EAPP: variants seen among roughly 807,000 people sequenced by gnomAD.
EAPP encodes E2F associated phosphoprotein, also known as E2F-associated phosphoprotein.
In EAPP, 38 loss-of-function variants were observed where a neutral mutation model predicts 34.3. That is an observed-to-expected ratio of 1.11 (90% CI 0.85 to 1.45). EAPP has a LOEUF of 1.45. Ranked by LOEUF, EAPP falls within the 40% of genes most tolerant of loss-of-function variation. The pLI is 0.00. For missense variants in EAPP, 338 were observed against 343.7 expected (o/e 0.98, Z 0.13); for synonymous variants, 113 against 117.6 (o/e 0.96, Z 0.25).
chr14:34,536,124 T>C lies in EAPP; in HGVS notation c.226A>G (p.Met76Val), dbSNP rs761848134. The change falls in exon 2 of 6, where the codon ATG becomes GTG. Residue 76 changes from methionine to valine, a missense_variant. Coordinates refer to ENST00000250454, the MANE Select transcript of EAPP (RefSeq NM_018453.4). The stretch of plus-strand genomic sequence containing the variant: ...CCCAGAGAGGATAACTTGTCCTCCA[T>C]TGTTTTCATGGTAGAATTTAATTCA... ...EAELNSTMKT[M>V]EDKLSSLGTG... is the part of the protein sequence containing the mutation. 36 of 1,611,356 alleles carry C rather than the reference T, an allele frequency of 2.2e-5. No homozygotes were observed. The highest frequency in any genetic ancestry group is 3.0e-5 in the Non-Finnish European group (35 of 1,179,318).
At chr14:34,517,274 G>T (rs1465199378) in intron 5 of EAPP, among the ~76,000 whole-genome samples, 1 of 144,226 alleles carries the variant, frequency 6.9e-6, no homozygotes, top group East Asian at 2.1e-4. Flanking sequence ...TTGAGATGGG[G>T]TTTCACTCTT....
intron 3 of EAPP, among the ~76,000 whole-genome samples, chr14:34,532,557 G>C (rs540415813): frequency 2.1e-4 from 32 of 152,252 alleles, no homozygotes; most frequent in African/African-American, 7.7e-4. Flanking sequence ...AAAGGAAGAG[G>C]GGGGAAAAGC....
intron 5 of EAPP, among the ~76,000 whole-genome samples, chr14:34,519,728 T>A (rs1207867338): frequency 6.6e-6 from 1 of 152,078 alleles, no homozygotes; most frequent in Non-Finnish European, 1.5e-5. Flanking sequence ...ACTCTTCCCT[T>A]CCTTACTGTC....
At position 34,536,285 on chromosome 14, in the gene EAPP, A is replaced by C. The variant is rs774359363; in HGVS notation, c.75-10T>G. 3.2e-6 allele frequency: 5 copies of C among 1,569,060 alleles called. No homozygotes were observed. The highest frequency in any genetic ancestry group is 4.1e-5 in the Admixed American group (2 of 48,522). On this transcript the variant is annotated splice_polypyrimidine_tract_variant and intron_variant, in intron 1 of 5. Coordinates refer to ENST00000250454, the MANE Select transcript of EAPP (RefSeq NM_018453.4). ...CACTTCATCCTCAGAGCTAGCATAC[A>C]TTTAAATCAAAAAGAATATGAATAT...
intron 4 of EAPP, among the ~76,000 whole-genome samples, chr14:34,526,041 A>T (rs749978685): frequency 2.6e-4 from 39 of 152,038 alleles, no homozygotes; most frequent in African/African-American, 4.1e-4. Flanking sequence ...AAAATAAAAA[A>T]AATAATAATG....
At chr14:34,519,437 A>G (rs535075505) in intron 5 of EAPP, among the ~76,000 whole-genome samples, 177 of 152,082 alleles carry the variant, frequency 1.2e-3, no homozygotes, top group African/African-American at 3.9e-3. Flanking sequence ...TGGGAGACTG[A>G]GACAGGAGAA....
chr14:34,529,329 G>T, intron 4 of EAPP, 29 bp downstream of exon 4: 2 of 1,456,996 alleles, frequency 1.4e-6, no homozygotes, highest in Non-Finnish European at 1.9e-6. Flanking sequence ...TTTTTCTAAA[G>T]ATTCTAAATA....
intron 5 of EAPP, among the ~76,000 whole-genome samples, chr14:34,517,039 G>A (rs1193531189): frequency 3.3e-5 from 5 of 150,804 alleles, no homozygotes; most frequent in Admixed American, 6.7e-5. Context: ...CTGGGTTCAC[G>A]CCATTCTCCT....
chr14:34,536,347 A>G (rs1880473750), intron 1 of EAPP, 72 bp from the exon 2 acceptor site: 2 of 1,178,320 alleles, frequency 1.7e-6, no homozygotes, highest in South Asian at 3.4e-5. Context: ...CCAGCATCTC[A>G]CTGTCCAACA....
rs910020823 is a variant in EAPP, at chr14:34,539,691, G to A, written c.-63C>T. The A allele has an allele frequency of 1.4e-6, 2 of 1,449,024 alleles. No homozygotes were observed. The highest frequency in any genetic ancestry group is 4.7e-5 in the Admixed American group (2 of 42,356). 89.8% of individuals were successfully genotyped at this position (1,449,024 alleles called of 1,614,324 possible). On this transcript the variant is annotated 5_prime_UTR_variant, in exon 1 of 6. Transcript: ENST00000250454. ...TGCAGCGTCTCTGTTTACACTGCAA[G>A]TCCAGTCCCTAAAGCGCCCCTGACG...
At position 34,536,180 on chromosome 14, in the gene EAPP, C is replaced by G; in HGVS notation, c.170G>C (p.Ser57Thr). The change falls in exon 2 of 6, where the codon AGT (serine) becomes ACT (threonine). Residue 57 changes from serine (S) to threonine (T), a missense_variant. Physicochemically the swap from Ser to Thr is moderately conservative, Grantham distance 58. Coordinates refer to ENST00000250454, the MANE Select transcript of EAPP (RefSeq NM_018453.4). The stretch of plus-strand genomic sequence containing the variant: ...CATCTCCTTTTCAAATTCATCTTCA[C>G]TAGATGATTCACTTTCTCCGGTAAG... ...ECLTGESESSSEDEFEKEMEA... is the reference protein window; with the variant it reads ...ECLTGESESSTEDEFEKEMEA... The G allele has an allele frequency of 1.2e-6, 2 of 1,612,330 alleles. No individual in the cohort carries two copies. The highest frequency in any genetic ancestry group is 2.7e-5 in the African/African-American group (2 of 74,992).
intron 4 of EAPP, among the ~76,000 whole-genome samples, chr14:34,527,957 G>A (rs1480534595): frequency 3.9e-5 from 6 of 151,928 alleles, no homozygotes; most frequent in Admixed American, 3.9e-4. Context: ...CTTTTGTTAT[G>A]TGAATTTTAT....
At chr14:34,520,362 A>C (rs1192046415) in intron 5 of EAPP, among the ~76,000 whole-genome samples, 1 of 150,798 alleles carries the variant, frequency 6.6e-6, no homozygotes, top group African/African-American at 2.4e-5. Flanking sequence ...GGCACGCGCC[A>C]ACACGCCCAG....
chr14:34,537,139 T>G (rs535042095), intron 1 of EAPP, among the ~76,000 whole-genome samples: 3 of 152,046 alleles, frequency 2.0e-5, no homozygotes, highest in Non-Finnish European at 4.4e-5. Context: ...CCCTCCTGAG[T>G]AGCTGGGACC....
intron 5 of EAPP, among the ~76,000 whole-genome samples, chr14:34,522,526 T>A (rs1434623095): frequency 6.6e-6 from 1 of 152,218 alleles, no homozygotes; most frequent in African/African-American, 2.4e-5. Context: ...TAGTTATTTG[T>A]TCCAGTCTTC....
chr14:34,530,798 G>T (rs983076651), intron 3 of EAPP, among the ~76,000 whole-genome samples: 1 of 150,518 alleles, frequency 6.6e-6, no homozygotes, highest in Non-Finnish European at 1.5e-5. Context: ...AACAGTATGA[G>T]GTCAGATACA....
rs773566159 is a variant in EAPP, at chr14:34,539,586, C to T, written c.43G>A (p.Glu15Lys). The T allele has an allele frequency of 1.9e-6, 3 of 1,600,734 alleles. No homozygotes were observed. The highest frequency in any genetic ancestry group is 2.6e-6 in the Non-Finnish European group (3 of 1,173,044). Residue 15 changes from glutamate (E) to lysine (K), a missense_variant, in exon 1 of 6, where the codon GAG (glutamate) becomes AAG (lysine). Glu to Lys is a moderately conservative substitution (Grantham distance 56). Transcript: ENST00000250454. The stretch of plus-strand genomic sequence containing the variant: ...AAAGCCGGCTCCTCGTCGCTAGGCT[C>T]TTCAACCGCGTAGGGGTCGTAGTCA... ...PDDYDPYAVEEPSDEEPALSS... is the reference protein window; with the variant it reads ...PDDYDPYAVEKPSDEEPALSS...
In EAPP at chr14:34,536,916, T is replaced by C. The variant is rs377244437; in HGVS notation, c.75-641A>G. Among the ~76,000 whole-genome samples, 33 of 152,288 alleles carry C rather than the reference T, an allele frequency of 2.2e-4. No individual in the cohort carries two copies. In the East Asian group the frequency reaches 2.7e-3, roughly 12 times the overall value. Reference sequence around the variant, plus strand: ...ATATATAGATAGATAGATATCCTGGTTGTGATACTGCACTATAGTTTTGTA... The same window carrying C: ...ATATATAGATAGATAGATATCCTGGCTGTGATACTGCACTATAGTTTTGTA... On this transcript the variant is annotated intron_variant, in intron 1 of 5. Coordinates refer to ENST00000250454, the MANE Select transcript of EAPP (RefSeq NM_018453.4).
Position 34,521,635 on chromosome 14 carries a change from CT to C in EAPP, c.581+3061del, listed in dbSNP as rs34835280. Among the ~76,000 whole-genome samples, 571 of 129,654 alleles carry C rather than the reference CT, an allele frequency of 4.4e-3. 2 individuals carry two copies. The highest frequency in any genetic ancestry group is 8.9e-3 in the African/African-American group (312 of 34,998). The allele number at this position is 129,654 out of a possible 152,430, so 85.1% of individuals were successfully genotyped here. A position where few individuals can be genotyped will look rare whatever the true frequency, so the allele number is the denominator to read the frequency against. ...TATATTTCTCAGAGTTCCCAGATTT[CT>C]TTTTTTTTTTTTTTTTTAGATGGAG... On this transcript the variant is annotated intron_variant, in intron 5 of 5. Coordinates refer to ENST00000250454, the MANE Select transcript of EAPP (RefSeq NM_018453.4).
Sources: allele counts gnomAD v4.1 joint callset (sites outside exome capture counted in the v4.1 genomes callset), GRCh38; gene constraint gnomAD v4.1.1; transcripts MANE v1.5; gene names NCBI Gene and HGNC (gene_info 2026-07-23, HGNC 2026-07-21).